Variants in DLG1 observed in about 807,000 individuals in gnomAD.
The protein encoded by DLG1 is discs large MAGUK scaffold protein 1.
DLG1 carries 42 observed loss-of-function variants against 123.4 expected under a neutral mutation model. The observed-to-expected ratio is 0.34, with a 90% CI of 0.27 to 0.44. The LOEUF (loss-of-function observed/expected upper bound fraction) is 0.44, where lower values mean the gene tolerates loss of function less well. Among genes scored for constraint, DLG1 ranks in the 20% least tolerant of loss-of-function variants. The probability of loss-of-function intolerance (pLI) is 1.00; values close to 1 mark genes in which losing one functional copy is unlikely to be tolerated. For missense variants in DLG1, 942 were observed against 1,082.6 expected, an observed-to-expected ratio of 0.87 and a Z score of 1.82; for synonymous variants, 317 against 356.2, an observed-to-expected ratio of 0.89 and a Z score of 1.24.
At chr3:197,050,672 AGAGATGGG>A (rs541755172) in intron 24 of DLG1, among the ~76,000 whole-genome samples, 85 of 152,318 alleles carry the variant, frequency 5.6e-4, no homozygotes, top group Non-Finnish European at 1.1e-3. Context: ...GCAGAGTAGA[AGAGATGGG>A]GAGATGTTAG....
rs539948176 is a variant in DLG1 at position 197,075,381 on chromosome 3, G to A, written c.2005+1205C>T. Among the ~76,000 whole-genome samples the A allele has an allele frequency of 6.6e-3, 968 of 147,190 alleles. 9 individuals are homozygous for A. Among genetic ancestry groups the A allele is most frequent in the Middle Eastern group, 0.011 (3 of 276 alleles). ...ATCCCCTCAATAAACTGCTACTTGC[G>A]TAGTATTCTATTGTGCTTTATACTT... is the stretch of plus-strand genomic sequence containing the variant. On this transcript the variant is annotated intron_variant, in intron 18 of 24. Transcript: ENST00000667157.
intron 4 of DLG1, among the ~76,000 whole-genome samples, chr3:197,261,508 C>G (rs1172900568): frequency 6.6e-6 from 1 of 152,194 alleles, no homozygotes; most frequent in African/African-American, 2.4e-5. Context: ...AGAGTATTAT[C>G]TGCAATTTTT....
intron 3 of DLG1, among the ~76,000 whole-genome samples, chr3:197,283,347 G>A (rs1053157752): frequency 1.3e-5 from 2 of 151,938 alleles, no homozygotes; most frequent in African/African-American, 4.8e-5. Flanking sequence ...TGCCCTTCTA[G>A]CCAAAGCCAA....
intron 5 of DLG1, among the ~76,000 whole-genome samples, chr3:197,165,890 AC>A (rs1181807821): frequency 6.6e-6 from 1 of 152,240 alleles, no homozygotes; most frequent in Non-Finnish European, 1.5e-5. Context: ...AGAGAAGTAA[AC>A]AATATAAGGC....
At chr3:197,292,115 G>A (rs551207658) in intron 3 of DLG1, among the ~76,000 whole-genome samples, 2 of 152,198 alleles carry the variant, frequency 1.3e-5, no homozygotes, top group East Asian at 3.9e-4. Flanking sequence ...TCCTATTTCT[G>A]GGTAAATATC....
intron 4 of DLG1, among the ~76,000 whole-genome samples, chr3:197,263,585 G>A (rs764207992): frequency 2.0e-5 from 3 of 152,058 alleles, no homozygotes; most frequent in Admixed American, 6.6e-5. Context: ...TCCGGAGTTC[G>A]AGACCAGCCT....
chr3:197,044,091 A>G lies in DLG1; in HGVS notation c.*532T>C, dbSNP rs1721486149. 3 of 152,230 alleles carry G rather than the reference A, an allele frequency of 2.0e-5. No individual in the cohort carries two copies. The highest frequency in any genetic ancestry group is 4.4e-5 in the Non-Finnish European group (3 of 68,032). The allele number at this position is 152,230 out of a possible 1,614,324, so 9.4% of individuals were successfully genotyped here. ...CCTTATGAAAGTCAACTCAGACATG[A>G]ATTTTTAAATTAAAAAATGTCCTTA... is the stretch of plus-strand genomic sequence containing the variant. On this transcript the variant is annotated 3_prime_UTR_variant, in exon 25 of 25. Coordinates refer to ENST00000667157, the MANE Select transcript of DLG1 (RefSeq NM_001366207.1).
intron 23 of DLG1, among the ~76,000 whole-genome samples, chr3:197,057,092 T>TC (rs398106911): frequency 6.6e-6 from 1 of 152,038 alleles, no homozygotes; most frequent in Non-Finnish European, 1.5e-5. Context: ...TGTTTTTTTT[T>TC]AGAGACACGG....
In DLG1 at chr3:197,116,008, T is replaced by C; in HGVS notation, c.1362A>G (p.Glu454=). The change falls in exon 13 of 25, where the codon GAA becomes GAG. Residue 454 remains glutamate (E), a synonymous_variant. Transcript: ENST00000667157. ...GFNIVGGEDG[E]GIFISFILAG... ...CTAAGATAAAGGAAATAAATATTCCTTCTCCATCTTCTCCTCCTACAATGT... is the reference window on the plus strand; with the variant it reads ...CTAAGATAAAGGAAATAAATATTCCCTCTCCATCTTCTCCTCCTACAATGT... The C allele has an allele frequency of 6.2e-7, 1 of 1,613,570 alleles. No individual in the cohort carries two copies. Among genetic ancestry groups the C allele is most frequent in the East Asian group, 2.2e-5 (1 of 44,772 alleles).
At chr3:197,154,303 A>C (rs1345225114) in intron 5 of DLG1, among the ~76,000 whole-genome samples, 3 of 152,068 alleles carry the variant, frequency 2.0e-5, no homozygotes, top group Non-Finnish European at 4.4e-5. Flanking sequence ...CTCTGTCAAA[A>C]AAAACAAAAC....
At chr3:197,220,662 C>A (rs575107835) in intron 4 of DLG1, among the ~76,000 whole-genome samples, 5 of 112,622 alleles carry the variant, frequency 4.4e-5, no homozygotes, top group Admixed American at 2.4e-4. Flanking sequence ...TTGTACCCCA[C>A]CTATCCAGCA....
intron 4 of DLG1, among the ~76,000 whole-genome samples, chr3:197,221,457 T>C (rs6797085): frequency 0.28 from 43,020 of 151,362 alleles, 7,401 homozygotes; most frequent in East Asian, 0.72. Context: ...GAGGTGGAGG[T>C]TGCAGTGAAC....
intron 4 of DLG1, among the ~76,000 whole-genome samples, chr3:197,276,791 A>G (rs1202379468): frequency 1.3e-5 from 2 of 152,176 alleles, no homozygotes; most frequent in African/African-American, 4.8e-5. Flanking sequence ...CTATAAAGTC[A>G]GCAGCATTTT....
At chr3:197,044,797 G>A in intron 24 of DLG1, 68 bp from the exon 25 acceptor site, 2 of 948,120 alleles carry the variant, frequency 2.1e-6, no homozygotes, top group East Asian at 2.6e-5. Flanking sequence ...AATTATTGAT[G>A]AAATAGTAGA....
intron 3 of DLG1, among the ~76,000 whole-genome samples, chr3:197,288,729 A>AC: frequency 1.1e-5 from 1 of 91,142 alleles, no homozygotes. Context: ...CAAAAAAAAA[A>AC]AAAAAAAAAA....
intron 5 of DLG1, among the ~76,000 whole-genome samples, chr3:197,156,633 C>T (rs1001258862): frequency 4.6e-5 from 7 of 151,810 alleles, no homozygotes; most frequent in East Asian, 1.9e-4. Context: ...GCAACAGTAA[C>T]CAAAGGAGAG....
At chr3:197,079,529 T>C (rs1322348072) in intron 17 of DLG1, among the ~76,000 whole-genome samples, 2 of 152,230 alleles carry the variant, frequency 1.3e-5, no homozygotes, top group Non-Finnish European at 2.9e-5. Context: ...AAGACTAAGA[T>C]TTAAACACGT....
intron 4 of DLG1, among the ~76,000 whole-genome samples, chr3:197,262,911 C>T (rs1483893767): frequency 6.6e-6 from 1 of 152,112 alleles, no homozygotes; most frequent in Non-Finnish European, 1.5e-5. Context: ...CCAACACATC[C>T]CTTATCCCAT....
intron 14 of DLG1, among the ~76,000 whole-genome samples, chr3:197,102,449 C>T (rs927192871): frequency 6.6e-6 from 1 of 152,186 alleles, no homozygotes; most frequent in Non-Finnish European, 1.5e-5. Context: ...TGTCGGATGA[C>T]TCCTTTTGTA....
Sources: allele counts gnomAD v4.1 joint callset (sites outside exome capture counted in the v4.1 genomes callset), GRCh38; gene constraint gnomAD v4.1.1; transcripts MANE v1.5; gene names NCBI Gene and HGNC (gene_info 2026-07-23, HGNC 2026-07-21).